Variants in IARS1 observed in about 807,000 individuals in gnomAD.
IARS1 encodes the protein isoleucine--tRNA ligase, cytoplasmic.
A neutral mutation model predicts 168.2 loss-of-function variants in IARS1; 124 were observed. The observed-to-expected ratio is 0.74, with a 90% confidence interval of 0.64 to 0.86. The LOEUF (loss-of-function observed/expected upper bound fraction) is 0.86. Among genes scored for constraint, IARS1 ranks in the 40% least tolerant of loss-of-function variants. The pLI is 0.00. For synonymous variants in IARS1, 532 were observed against 529.4 expected, an observed-to-expected ratio of 1.00 and a Z score of -0.07; for missense variants, 1,452 against 1,515.8, an observed-to-expected ratio of 0.96 and a Z score of 0.70.
At position 92,271,656 on chromosome 9, in the gene IARS1, C is replaced by T; in HGVS notation, c.991-1G>A. The T allele has an allele frequency of 6.2e-7, 1 of 1,613,990 alleles. No individual in the cohort carries two copies. The highest frequency in any genetic ancestry group is 8.5e-7 in the Non-Finnish European group (1 of 1,179,916). ...AGTCCATACAGACCCGATAGTCCTCCTGAGAAAAGGCAAAAGAGAGGGAAG... is the reference window on the plus strand; with the variant it reads ...AGTCCATACAGACCCGATAGTCCTCTTGAGAAAAGGCAAAAGAGAGGGAAG... On this transcript the variant is annotated splice_acceptor_variant, in intron 10 of 33. Coordinates refer to ENST00000443024, the MANE Select transcript of IARS1 (RefSeq NM_002161.6). LOFTEE classifies it high-confidence loss of function.
chr9:92,260,537 C>A (rs1332584936), intron 17 of IARS1, among the ~76,000 whole-genome samples: 1 of 152,068 alleles, frequency 6.6e-6, no homozygotes, highest in Admixed American at 6.5e-5. Context: ...CACTTGTAAT[C>A]CCCACTACTG....
At chr9:92,277,498 C>A (rs1021537466) in intron 9 of IARS1, among the ~76,000 whole-genome samples, 4 of 151,852 alleles carry the variant, frequency 2.6e-5, no homozygotes, top group African/African-American at 9.7e-5. Context: ...GGCAGCATAG[C>A]GAGATTCTGT....
chr9:92,269,812 T>C, intron 13 of IARS1, 73 bp downstream of exon 13: 1 of 958,270 alleles, frequency 1.0e-6, no homozygotes, highest in Non-Finnish European at 1.7e-6. Context: ...AATTATAACT[T>C]GGGGGAAGTG....
At chr9:92,276,468 G>A (rs1190717602) in intron 9 of IARS1, among the ~76,000 whole-genome samples, 1 of 152,262 alleles carries the variant, frequency 6.6e-6, no homozygotes, top group East Asian at 1.9e-4. Flanking sequence ...TGGGATGAGG[G>A]CAGAACATAT....
At chr9:92,280,081 T>C (rs979096784) in intron 7 of IARS1, among the ~76,000 whole-genome samples, 1 of 152,222 alleles carries the variant, frequency 6.6e-6, no homozygotes, top group African/African-American at 2.4e-5. Flanking sequence ...TTGACTACTG[T>C]GAATAATGCT....
chr9:92,258,226 C>T (rs1222246695), intron 19 of IARS1, among the ~76,000 whole-genome samples: 1 of 152,202 alleles, frequency 6.6e-6, no homozygotes, highest in Non-Finnish European at 1.5e-5. Flanking sequence ...TTTACTGTAT[C>T]TCCCAATTCC....
intron 1 of IARS1, among the ~76,000 whole-genome samples, chr9:92,290,207 AC>A (rs2134009428): frequency 6.6e-6 from 1 of 152,320 alleles, no homozygotes; most frequent in South Asian, 2.1e-4. Context: ...TTCAGATCTT[AC>A]CCAACACATC....
At position 92,243,402 on chromosome 9, in the gene IARS1, C is replaced by G. The variant is rs550428189; in HGVS notation, c.2905-91G>C. 7.3e-5 allele frequency: 58 copies of G among 792,946 alleles called. No homozygotes were observed. The African/African-American group carries it at 8.8e-4, about 12-fold the overall frequency. The allele number at this position is 792,946 out of a possible 1,614,324, so 49.1% of individuals were successfully genotyped here. On this transcript the variant is annotated intron_variant, in intron 27 of 33. Coordinates refer to ENST00000443024, the MANE Select transcript of IARS1 (RefSeq NM_002161.6). ...AAAATGTTATTTAAATCTGGAGAGT[C>G]TATAATGCAGCACTATTTTTTCACA...
In IARS1 at chr9:92,247,545, T is replaced by C. The variant is rs749529254; in HGVS notation, c.2623A>G (p.Asn875Asp). 1 of 1,613,032 alleles carries C rather than the reference T, an allele frequency of 6.2e-7. No homozygotes were observed. Among genetic ancestry groups the C allele is most frequent in the South Asian group, 1.1e-5 (1 of 90,706 alleles). ...SLEKYIIEEL[N>D]VRKVTLSTDK... is the part of the protein sequence containing the mutation. ...GTAGACAGTGTAACTTTTCGAACAT[T>C]GAGTTCCTACAGTTAATGCACAAGA... The change falls in exon 26 of 34, where the codon AAT becomes GAT. Residue 875 changes from asparagine to aspartate, a missense_variant. Coordinates refer to ENST00000443024, the MANE Select transcript of IARS1 (RefSeq NM_002161.6).
chr9:92,270,987 C>A lies in IARS1; in HGVS notation c.1203G>T (p.Trp401Cys), dbSNP rs1344989326. Residue 401 changes from tryptophan to cysteine, a missense_variant and splice_region_variant, in exon 12 of 34, where the codon TGG (tryptophan) becomes TGT (cysteine). Coordinates refer to ENST00000443024, the MANE Select transcript of IARS1 (RefSeq NM_002161.6). ...ACACAGTCTTTGTTTCTTCTGACCT[C>A]CAGCAAAAAGGGTAGCTGTGAGTGA... Reference protein sequence around the residue: ...TTFTHSYPFCWRSDTPLIYKA... With the variant: ...TTFTHSYPFCCRSDTPLIYKA... 4 of 1,607,926 alleles carry A rather than the reference C, an allele frequency of 2.5e-6. No homozygotes were observed.
At chr9:92,276,372 T>C (rs1833776735) in intron 9 of IARS1, among the ~76,000 whole-genome samples, 1 of 152,144 alleles carries the variant, frequency 6.6e-6, no homozygotes, top group Non-Finnish European at 1.5e-5. Flanking sequence ...TGTGGGAGGA[T>C]GTGGTCAGGA....
At chr9:92,234,802 A>C (rs1166877168) in intron 30 of IARS1, among the ~76,000 whole-genome samples, 1 of 152,120 alleles carries the variant, frequency 6.6e-6, no homozygotes. Flanking sequence ...TGGGAAGATC[A>C]ATATGGTGAT....
At chr9:92,265,630 A>G (rs1832182733) in intron 14 of IARS1, 77 bp from the exon 15 acceptor site, 4 of 1,091,532 alleles carry the variant, frequency 3.7e-6, no homozygotes, top group Non-Finnish European at 5.6e-6. Context: ...TATAGCATGC[A>G]TGTTTACTTT....
chr9:92,213,015 AAGG>A, intron 33 of IARS1, among the ~76,000 whole-genome samples: 1 of 152,148 alleles, frequency 6.6e-6, no homozygotes, highest in Non-Finnish European at 1.5e-5. Flanking sequence ...GAAAACGACA[AAGG>A]AGAGTCACTG....
At chr9:92,276,299 A>C (rs1035014524) in intron 9 of IARS1, among the ~76,000 whole-genome samples, 4 of 152,200 alleles carry the variant, frequency 2.6e-5, no homozygotes, top group African/African-American at 9.7e-5. Flanking sequence ...TTAATTAAAG[A>C]AAGGCAGGGA....
chr9:92,223,835 C>T (rs1369153361), intron 31 of IARS1, among the ~76,000 whole-genome samples: 2 of 152,134 alleles, frequency 1.3e-5, no homozygotes, highest in Non-Finnish European at 2.9e-5. Flanking sequence ...TTAAAAAGTG[C>T]TAATTACAGT....
rs367648919 is a variant in IARS1 at position 92,210,893 on chromosome 9, G to T, written c.3707-4C>A. ...ACGGGGATGTCTTCTGTAATTTCTAGAATGGAAAGAAAAAGTTGAAAAAAA... is the reference window on the plus strand; with the variant it reads ...ACGGGGATGTCTTCTGTAATTTCTATAATGGAAAGAAAAAGTTGAAAAAAA... On this transcript the variant is annotated splice_region_variant and splice_polypyrimidine_tract_variant and intron_variant, in intron 33 of 33. Coordinates refer to ENST00000443024, the MANE Select transcript of IARS1 (RefSeq NM_002161.6). The T allele has an allele frequency of 5.9e-5, 93 of 1,581,498 alleles. No homozygotes were observed. The highest frequency in any genetic ancestry group is 5.6e-5 in the Non-Finnish European group (65 of 1,150,692).
chr9:92,253,906 G>A (rs1368284565), intron 20 of IARS1: 4 of 457,410 alleles, frequency 8.7e-6, no homozygotes, highest in African/African-American at 2.0e-5. Flanking sequence ...ATAGGCCAGT[G>A]ATTCTCAAAC....
chr9:92,276,441 A>C (rs1348675914), intron 9 of IARS1, among the ~76,000 whole-genome samples: 1 of 152,184 alleles, frequency 6.6e-6, no homozygotes, highest in Admixed American at 6.5e-5. Flanking sequence ...TAAATAACTA[A>C]CGCCTGTAGG....
Sources: allele counts gnomAD v4.1 joint callset (sites outside exome capture counted in the v4.1 genomes callset), GRCh38; gene constraint gnomAD v4.1.1; transcripts MANE v1.5; gene names NCBI Gene and HGNC (gene_info 2026-07-23, HGNC 2026-07-21).